Variants in PLXNA2 observed in about 807,000 individuals in gnomAD.
PLXNA2 encodes the protein plexin A2, also known as plexin-A2.
A neutral mutation model predicts 193.5 loss-of-function variants in PLXNA2; 91 were observed. The ratio of observed to expected loss-of-function variants is 0.47; its 90% CI spans 0.40 to 0.56. The LOEUF (loss-of-function observed/expected upper bound fraction) is 0.56, where lower values mean the gene tolerates loss of function less well. PLXNA2 is among the 20% of genes least tolerant of loss of function. The pLI is 0.00. For synonymous variants in PLXNA2, 997 were observed against 1,027.3 expected (o/e 0.97, Z 0.56); for missense variants, 1,995 against 2,503.2 (o/e 0.80, Z 4.33).
intron 1 of PLXNA2, among the ~76,000 whole-genome samples, chr1:208,239,021 C>T (rs984209897): frequency 2.0e-5 from 3 of 152,178 alleles, no homozygotes; most frequent in East Asian, 3.9e-4. Context: ...ATGCTGCAGG[C>T]GCCTTCTCAT....
At chr1:208,030,526 C>T in intron 29 of PLXNA2, 1 of 985,476 alleles carries the variant, frequency 1.0e-6, no homozygotes, top group African/African-American at 1.7e-5. Context: ...CCACCCCAGC[C>T]TGTTCGTTTC....
chr1:208,191,182 C>T lies in PLXNA2; in HGVS notation c.1371+19098G>A, dbSNP rs1471346659. Among the ~76,000 whole-genome samples the T allele has an allele frequency of 5.9e-5, 9 of 152,212 alleles. No individual in the cohort carries two copies. The East Asian group carries it at 1.7e-3, about 29-fold the overall frequency. ...CTTGTTCTTTGCCCATGGCCAGCAA[C>T]AAACATTGGTAAGAATCCCGGAGGT... On this transcript the variant is annotated intron_variant, in intron 3 of 31. Transcript: ENST00000367033.
intron 4 of PLXNA2, among the ~76,000 whole-genome samples, chr1:208,118,095 C>T (rs149145641): frequency 3.9e-5 from 6 of 152,104 alleles, no homozygotes; most frequent in African/African-American, 9.7e-5. Flanking sequence ...GGGTTGGGCA[C>T]GATGATGTTA....
intron 4 of PLXNA2, among the ~76,000 whole-genome samples, chr1:208,137,337 C>T (rs1320506492): frequency 1.3e-5 from 2 of 152,216 alleles, no homozygotes; most frequent in African/African-American, 4.8e-5. Flanking sequence ...GCTTCCATCC[C>T]TATACTCTTT....
intron 12 of PLXNA2, among the ~76,000 whole-genome samples, chr1:208,075,834 G>A (rs949689181): frequency 2.0e-5 from 3 of 151,988 alleles, no homozygotes; most frequent in African/African-American, 7.2e-5. Context: ...CAAGGTGGGC[G>A]GATCACTTGA....
chr1:208,113,432 G>A (rs1667547703), intron 4 of PLXNA2, among the ~76,000 whole-genome samples: 1 of 152,086 alleles, frequency 6.6e-6, no homozygotes, highest in African/African-American at 2.4e-5. Context: ...CTGCCTAACA[G>A]GACCCCATCT....
At chr1:208,200,577 CTTTTTTTTTTT>C (rs36026400) in intron 3 of PLXNA2, among the ~76,000 whole-genome samples, 1 of 113,998 alleles carries the variant, frequency 8.8e-6, no homozygotes, top group Non-Finnish European at 1.7e-5. Flanking sequence ...CCCAATCCTT[CTTTTTTTTTTT>C]TTTTTTTTTT....
Position 208,217,108 on chromosome 1 carries a change from C to A in PLXNA2, c.815G>T (p.Gly272Val). The A allele has an allele frequency of 6.2e-7, 1 of 1,614,106 alleles. No homozygotes were observed. The highest frequency in any genetic ancestry group is 1.3e-5 in the African/African-American group (1 of 75,024). Residue 272 changes from glycine to valine, a missense_variant, in exon 2 of 32, where the codon GGA becomes GTA. By Grantham distance (109) the Gly-to-Val change is moderately radical. Around this residue, in one of 3 missense-constraint regions of PLXNA2, gnomAD observed 702 missense variants for 812.9 expected, o/e 0.86. Transcript: ENST00000367033. The surrounding 1 kb of genome is among the most constrained non-coding windows in gnomAD (Gnocchi z 4.7). ...GATGCGTGAGGTGTAGAAGAGGTCT[C>A]CAGCGGAGTTGATGGCCACACCCTC... Reference protein sequence around the residue: ...TPEGVAINSAGDLFYTSRIVR... With the variant: ...TPEGVAINSAVDLFYTSRIVR...
intron 1 of PLXNA2, among the ~76,000 whole-genome samples, chr1:208,234,581 G>C (rs1671794210): frequency 2.0e-5 from 3 of 152,186 alleles, no homozygotes; most frequent in African/African-American, 7.2e-5. Flanking sequence ...CCGATGATCA[G>C]TGCTACCAAG....
chr1:208,221,540 C>T (rs1671338132), intron 1 of PLXNA2, among the ~76,000 whole-genome samples: 1 of 152,052 alleles, frequency 6.6e-6, no homozygotes, highest in Non-Finnish European at 1.5e-5. Flanking sequence ...AGGGACTGCC[C>T]GCCTGGGAGC....
At chr1:208,209,594 C>T (rs1371641459) in intron 3 of PLXNA2, among the ~76,000 whole-genome samples, 2 of 152,212 alleles carry the variant, frequency 1.3e-5, no homozygotes, top group African/African-American at 4.8e-5. Context: ...GCCTGCTGCA[C>T]AAGAGGCCTC....
rs1368150381 is a variant in PLXNA2 at position 208,051,244 on chromosome 1, C to G, written c.3161+12G>C. The G allele has an allele frequency of 6.2e-7, 1 of 1,602,070 alleles. No individual in the cohort carries two copies. Among genetic ancestry groups the G allele is most frequent in the East Asian group, 2.2e-5 (1 of 44,640 alleles). ...TGGCTTCCAGGTGCATCCCTCCCAC[C>G]TTCCACCTCACCTGGCAATGCTCCA... On this transcript the variant is annotated intron_variant, in intron 16 of 31. Transcript: ENST00000367033.
At chr1:208,197,413 C>T (rs181983588) in intron 3 of PLXNA2, among the ~76,000 whole-genome samples, 6 of 152,304 alleles carry the variant, frequency 3.9e-5, no homozygotes, top group East Asian at 1.9e-4. Flanking sequence ...GGCTAATTGC[C>T]GGAAGAGACC....
chr1:208,217,609 T>A lies in PLXNA2; in HGVS notation c.314A>T (p.Glu105Val). ...YPPLIVQPCS[E>V]VLTLTNNVNK... The stretch of plus-strand genomic sequence containing the variant: ...GACATTGTTGGTGAGGGTGAGCACT[T>A]CGCTGCAGGGCTGCACGATGAGGGG... Residue 105 changes from glutamate to valine, a missense_variant, in exon 2 of 32, where the codon GAA becomes GTA. This residue lies in a region of PLXNA2 where 702 missense variants were observed against 812.9 expected (regional missense o/e 0.86). Coordinates refer to ENST00000367033, the MANE Select transcript of PLXNA2 (RefSeq NM_025179.4). This position sits in a 1 kb window ranked among gnomAD's most constrained non-coding sequence, Gnocchi z 4.7. 6.2e-7 allele frequency: 1 copy of A among 1,614,156 alleles called. No individual in the cohort carries two copies. Among genetic ancestry groups the A allele is most frequent in the Non-Finnish European group, 8.5e-7 (1 of 1,180,014 alleles).
rs367646038 is a variant in PLXNA2 at position 208,039,602 on chromosome 1, G to A, written c.4500+19C>T. ...AGTAGAAGATACACAGGCGGGCCCG[G>A]AGCTTCCGGCTTCCTCACCAGGGTC... On this transcript the variant is annotated intron_variant, in intron 24 of 31. Transcript: ENST00000367033. 2.4e-5 allele frequency: 39 copies of A among 1,612,634 alleles called. No individual in the cohort carries two copies. In the Admixed American group the frequency reaches 4.2e-4, roughly 17 times the overall value.
chr1:208,042,258 G>A lies in PLXNA2; in HGVS notation c.4126C>T (p.Arg1376Cys), dbSNP rs769902149. Reference sequence around the variant, plus strand: ...CCCCGGTCGCGCATGGAGAAACTGCGCTGCAGCTCCAGGGTGCGGATGAAG... The same window carrying A: ...CCCCGGTCGCGCATGGAGAAACTGCACTGCAGCTCCAGGGTGCGGATGAAG... Reference protein sequence around the residue: ...LTFIRTLELQRSFSMRDRGNV... With the variant: ...LTFIRTLELQCSFSMRDRGNV... The change falls in exon 22 of 32, where the codon CGC becomes TGC. Residue 1376 changes from arginine (R) to cysteine (C), a missense_variant. Transcript: ENST00000367033. The A allele has an allele frequency of 3.7e-6, 6 of 1,614,100 alleles. No homozygotes were observed. The highest frequency in any genetic ancestry group is 3.3e-5 in the Admixed American group (2 of 60,006).
chr1:208,217,296 G>A lies in PLXNA2; in HGVS notation c.627C>T (p.Ser209=), dbSNP rs1004407494. 5 of 1,614,156 alleles carry A rather than the reference G, an allele frequency of 3.1e-6. No homozygotes were observed. Among genetic ancestry groups the A allele is most frequent in the Non-Finnish European group, 4.2e-6 (5 of 1,180,024 alleles). ...SSRKLPRDPE[S]SAMLDYELHS... Reference sequence around the variant, plus strand: ...GTAGCTCATAGTCGAGCATGGCTGAGGACTCAGGGTCTCGGGGCAGCTTCC... The same window carrying A: ...GTAGCTCATAGTCGAGCATGGCTGAAGACTCAGGGTCTCGGGGCAGCTTCC... The change falls in exon 2 of 32, where the codon TCC becomes TCT. Residue 209 remains serine, a synonymous_variant. Coordinates refer to ENST00000367033, the MANE Select transcript of PLXNA2 (RefSeq NM_025179.4). The surrounding 1 kb of genome is among the most constrained non-coding windows in gnomAD (Gnocchi z 4.7).
At chr1:208,074,463 G>C (rs1456784268) in intron 12 of PLXNA2, among the ~76,000 whole-genome samples, 1 of 152,214 alleles carries the variant, frequency 6.6e-6, no homozygotes, top group African/African-American at 2.4e-5. Context: ...GGAGCAGAAG[G>C]TAAGTCCTGA....
intron 1 of PLXNA2, among the ~76,000 whole-genome samples, chr1:208,220,465 C>G (rs193066066): frequency 1.3e-5 from 2 of 152,206 alleles, no homozygotes; most frequent in African/African-American, 4.8e-5. Context: ...CAGAGTCTTG[C>G]TCTGTCGCCC....
Sources: allele counts gnomAD v4.1 joint callset (sites outside exome capture counted in the v4.1 genomes callset), GRCh38; gene constraint gnomAD v4.1.1; regional missense constraint gnomAD v4.1.1; non-coding constraint Gnocchi (gnomAD v3.1); transcripts MANE v1.5; gene names NCBI Gene and HGNC (gene_info 2026-07-23, HGNC 2026-07-21).